The following TSKS variants were observed in gnomAD, a reference collection of about 807,000 sequenced individuals.
The protein encoded by TSKS is testis specific serine kinase substrate.
A neutral mutation model predicts 68.0 loss-of-function variants in TSKS; 27 were observed. The ratio of observed to expected loss-of-function variants is 0.40; its 90% CI spans 0.29 to 0.55. The LOEUF is 0.55. Ranked by LOEUF, TSKS falls within the 20% of genes least tolerant of loss-of-function variation. The pLI, the probability that TSKS is intolerant of heterozygous loss-of-function variation, is 0.53. For missense variants in TSKS, 806 were observed against 776.0 expected (o/e 1.04, Z -0.46); for synonymous variants, 331 against 340.4 (o/e 0.97, Z 0.30).
At position 49,745,221 on chromosome 19, in the gene TSKS, C is replaced by T; in HGVS notation, c.1168G>A (p.Ala390Thr). 1.2e-6 allele frequency: 2 copies of T among 1,604,284 alleles called. No homozygotes were observed. The highest frequency in any genetic ancestry group is 1.7e-6 in the Non-Finnish European group (2 of 1,175,982). The change falls in exon 7 of 11, where the codon GCG becomes ACG. Residue 390 changes from alanine to threonine, a missense_variant. Physicochemically the swap from Ala to Thr is moderately conservative, Grantham distance 58 (BLOSUM62 0). Transcript: ENST00000246801. Reference protein sequence around the residue: ...ARDLQELRGRADELCTMVERS... With the variant: ...ARDLQELRGRTDELCTMVERS... ...CCTCACATGGTGCACAGCTCATCCG[C>T]CCGACCTCGCAGCTCCTGCAAGTCC...
At chr19:49,745,677 C>T (rs1034589438) in intron 6 of TSKS, among the ~76,000 whole-genome samples, 15 of 152,178 alleles carry the variant, frequency 9.9e-5, no homozygotes, top group African/African-American at 3.6e-4. Context: ...GACACTGGCC[C>T]CCCAAGGCAC....
chr19:49,758,299 C>T (rs959537275), intron 2 of TSKS, among the ~76,000 whole-genome samples: 1 of 152,166 alleles, frequency 6.6e-6, no homozygotes, highest in Non-Finnish European at 1.5e-5. Flanking sequence ...CCAGCTCCTG[C>T]TGCCCCCCTC....
Position 49,744,354 on chromosome 19 carries a change from C to G in TSKS, c.1238G>C (p.Gly413Ala), listed in dbSNP as rs780693573. 6.2e-7 allele frequency: 1 copy of G among 1,614,100 alleles called. No homozygotes were observed. The highest frequency in any genetic ancestry group is 8.5e-7 in the Non-Finnish European group (1 of 1,180,032). ...CAGAATGGGTTTCAGTGGGCCCAGC[C>G]CCTCCAGTTCGCTCCTCAGTGAAGC... is the stretch of plus-strand genomic sequence containing the variant. Reference protein sequence around the residue: ...SVASLRSELEGLGPLKPILEE... With the variant: ...SVASLRSELEALGPLKPILEE... The change falls in exon 8 of 11, where the codon GGG becomes GCG. Residue 413 changes from glycine (G) to alanine (A), a missense_variant. Physicochemically the swap from Gly to Ala is moderately conservative, Grantham distance 60. Transcript: ENST00000246801.
At chr19:49,744,506 C>G (rs2084280267) in intron 7 of TSKS, 102 bp from the exon 8 acceptor site, 1 of 1,220,826 alleles carries the variant, frequency 8.2e-7, no homozygotes, top group Non-Finnish European at 1.2e-6. Context: ...TCCATCTGGT[C>G]AGCAATTCTC....
chr19:49,761,808 A>G (rs2084442903), intron 2 of TSKS, among the ~76,000 whole-genome samples, 196 bp downstream of exon 2: 1 of 152,124 alleles, frequency 6.6e-6, no homozygotes, highest in Non-Finnish European at 1.5e-5. Context: ...AAGGAAGAAA[A>G]AAAAAAGACC....
At position 49,746,812 on chromosome 19, in the gene TSKS, G is replaced by A. The variant is rs1414504063; in HGVS notation, c.664-14C>T. 1 of 1,596,242 alleles carries A rather than the reference G, an allele frequency of 6.3e-7. No homozygotes were observed. The highest frequency in any genetic ancestry group is 1.7e-5 in the Admixed American group (1 of 59,850). On this transcript the variant is annotated splice_polypyrimidine_tract_variant and intron_variant, in intron 5 of 10. Transcript: ENST00000246801. ...GCGCAGCTTCTCCTGGGTGGTAAGGGAGGACGGGGTCACAGCGTCCAGCCG... is the reference window on the plus strand; with the variant it reads ...GCGCAGCTTCTCCTGGGTGGTAAGGAAGGACGGGGTCACAGCGTCCAGCCG...
At chr19:49,754,651 T>C (rs1226597405) in intron 2 of TSKS, among the ~76,000 whole-genome samples, 1 of 152,130 alleles carries the variant, frequency 6.6e-6, no homozygotes, top group East Asian at 1.9e-4. Flanking sequence ...TTGGACTTAC[T>C]AGGCAAACAC....
At chr19:49,762,516 G>A (rs1005943138) in intron 1 of TSKS, among the ~76,000 whole-genome samples, 8 of 150,906 alleles carry the variant, frequency 5.3e-5, no homozygotes, top group African/African-American at 1.5e-4. Flanking sequence ...CTCCGACTGC[G>A]GGTCCCAGTT....
At position 49,748,163 on chromosome 19, in the gene TSKS, C is replaced by T. The variant is rs1253854282; in HGVS notation, c.501G>A (p.Glu167=). 5.0e-6 allele frequency: 8 copies of T among 1,614,084 alleles called. No homozygotes were observed. Among genetic ancestry groups the T allele is most frequent in the Non-Finnish European group, 6.8e-6 (8 of 1,180,042 alleles). ...VNQHVQSLQS[E]CSVLSENLER... ...CCAGATTCTCGCTCAGCACAGAACA[C>T]TCGCTCTGGAGCATGGAAGGAGGAG... Residue 167 remains glutamate (E), a synonymous_variant, in exon 4 of 11, where the codon GAG becomes GAA. Coordinates refer to ENST00000246801, the MANE Select transcript of TSKS (RefSeq NM_021733.2).
At chr19:49,759,862 G>A (rs1444598571) in intron 2 of TSKS, among the ~76,000 whole-genome samples, 3 of 151,368 alleles carry the variant, frequency 2.0e-5, no homozygotes, top group Non-Finnish European at 2.9e-5. Flanking sequence ...TAAAAAGAAA[G>A]AAAAAGAGAG....
intron 9 of TSKS, 67 bp from the exon 10 acceptor site, chr19:49,740,250 T>C (rs1428749894): frequency 9.0e-6 from 14 of 1,550,848 alleles, no homozygotes; most frequent in Non-Finnish European, 1.2e-5. Flanking sequence ...GGGAACTGGA[T>C]TGCGGAGGGC....
At chr19:49,754,176 G>A (rs1202201140) in intron 2 of TSKS, among the ~76,000 whole-genome samples, 21 of 149,600 alleles carry the variant, frequency 1.4e-4, no homozygotes, top group East Asian at 1.2e-3. Flanking sequence ...GTGAGCCACC[G>A]TTCCCTGCTA....
At position 49,743,489 on chromosome 19, in the gene TSKS, ATTTC is replaced by A. The variant is rs1318667280; in HGVS notation, c.1361+738_1361+741del. Among the ~76,000 whole-genome samples the A allele has an allele frequency of 3.9e-3, 527 of 136,772 alleles. 6 individuals are homozygous for A. The highest frequency in any genetic ancestry group is 0.014 in the African/African-American group (499 of 36,084). 89.7% of individuals were successfully genotyped at this position (136,772 alleles called of 152,430 possible). On this transcript the variant is annotated intron_variant, in intron 8 of 10. Transcript: ENST00000246801. ...ACCTCCGCCTCCCGGGTCCAAGTGA[ATTTC>A]TTTTTTTTTTTTTTTTTTTTTTGAG...
intron 2 of TSKS, among the ~76,000 whole-genome samples, chr19:49,751,809 T>C (rs1226822729): frequency 6.9e-6 from 1 of 144,354 alleles, no homozygotes; most frequent in Non-Finnish European, 1.5e-5. Flanking sequence ...ACACCTGTAA[T>C]CCCAGCACTT....
chr19:49,761,812 A>C (rs968448903), intron 2 of TSKS, among the ~76,000 whole-genome samples, 192 bp downstream of exon 2: 4 of 152,154 alleles, frequency 2.6e-5, no homozygotes, highest in Non-Finnish European at 5.9e-5. Context: ...AAGAAAAAAA[A>C]AAGACCAACT....
rs779599757 is a variant in TSKS at position 49,763,049 on chromosome 19, C to A, written c.170+29G>T. ...TTGGAGGTAGTGCTGGGCATTAGAA[C>A]CATCCCTGACAGTGTGCAACAAACC... On this transcript the variant is annotated intron_variant, in intron 1 of 10. Transcript: ENST00000246801. This position sits in a 1 kb window ranked among gnomAD's most constrained non-coding sequence, Gnocchi z 4.5. The A allele has an allele frequency of 5.0e-6, 8 of 1,600,610 alleles. No individual in the cohort carries two copies. The South Asian group carries it at 9.0e-5, about 18-fold the overall frequency.
chr19:49,760,716 G>C (rs1236346453), intron 2 of TSKS, among the ~76,000 whole-genome samples: 1 of 152,062 alleles, frequency 6.6e-6, no homozygotes, highest in East Asian at 1.9e-4. Context: ...TTTGAACCCA[G>C]GAGTTCGAGG....
chr19:49,743,369 C>T (rs183432357), intron 8 of TSKS, among the ~76,000 whole-genome samples: 3 of 151,826 alleles, frequency 2.0e-5, no homozygotes, highest in Admixed American at 6.6e-5. Context: ...TGAGCCACTG[C>T]GTCCACCCTT....
At chr19:49,742,497 T>TC (rs1491471206) in intron 8 of TSKS, among the ~76,000 whole-genome samples, 2 of 75,926 alleles carry the variant, frequency 2.6e-5, no homozygotes, top group African/African-American at 7.2e-5. Context: ...GGCCCGGCCC[T>TC]TTTTTTTTTT....
Sources: gnomAD v4.1 joint callset for allele counts (sites outside exome capture counted in the v4.1 genomes callset) on GRCh38, gnomAD v4.1.1 for gene constraint, Gnocchi (gnomAD v3.1) non-coding constraint, MANE v1.5 for transcripts, NCBI Gene and HGNC (gene_info 2026-07-23, HGNC 2026-07-21) for gene names.